PDSS2: variants seen among roughly 807,000 people sequenced by gnomAD.
PDSS2 encodes all trans-polyprenyl-diphosphate synthase PDSS2.
A neutral mutation model predicts 44.5 loss-of-function variants in PDSS2; 31 were observed. That is an observed-to-expected ratio of 0.70 (90% CI 0.52 to 0.94). PDSS2 has a LOEUF of 0.94. Among genes scored for constraint, PDSS2 ranks in the 40% least tolerant of loss-of-function variants. The pLI is 0.00. For missense variants in PDSS2, 452 were observed against 482.2 expected (o/e 0.94, Z 0.59); for synonymous variants, 157 against 180.3 (o/e 0.87, Z 1.03).
At chr6:107,443,433 C>T (rs1182776420) in intron 1 of PDSS2, among the ~76,000 whole-genome samples, 1 of 152,102 alleles carries the variant, frequency 6.6e-6, no homozygotes, top group Non-Finnish European at 1.5e-5. Flanking sequence ...TCACAGTAGC[C>T]AAAAACAGAA....
chr6:107,261,887 G>GTATT (rs1410221536), intron 3 of PDSS2, among the ~76,000 whole-genome samples: 1 of 14,712 alleles, frequency 6.8e-5, no homozygotes, highest in Non-Finnish European at 2.2e-4. Context: ...CCCGTCTCAG[G>GTATT]TATTTCTTTT....
At chr6:107,458,516 G>A (rs1295338025) in intron 1 of PDSS2, among the ~76,000 whole-genome samples, 2 of 151,302 alleles carry the variant, frequency 1.3e-5, no homozygotes, top group Admixed American at 6.6e-5. Context: ...ACTACTAACG[G>A]GATAAATTCC....
At chr6:107,331,328 T>C (rs141902786) in intron 2 of PDSS2, among the ~76,000 whole-genome samples, 152 of 152,226 alleles carry the variant, frequency 1.0e-3, no homozygotes, top group Non-Finnish European at 1.4e-3. Context: ...CTAGATGAAG[T>C]TTGATTATAG....
At chr6:107,337,362 T>G (rs1582959110) in intron 1 of PDSS2, among the ~76,000 whole-genome samples, 1 of 152,154 alleles carries the variant, frequency 6.6e-6, no homozygotes, top group African/African-American at 2.4e-5. Context: ...TTTTAAACAT[T>G]ATGCTATGTA....
chr6:107,192,511 TC>T, intron 7 of PDSS2: 1 of 377,272 alleles, frequency 2.7e-6, no homozygotes, highest in Non-Finnish European at 5.2e-6. Flanking sequence ...TCCTAGTAAA[TC>T]TGTAAGAAAA....
chr6:107,273,087 C>T (rs974712189), intron 3 of PDSS2, among the ~76,000 whole-genome samples: 2 of 152,062 alleles, frequency 1.3e-5, no homozygotes, highest in African/African-American at 4.8e-5. Context: ...CGGGTTCAAG[C>T]GATTCTCCTG....
chr6:107,192,401 A>C (rs1562364890), intron 7 of PDSS2: 2 of 510,622 alleles, frequency 3.9e-6, no homozygotes, highest in African/African-American at 4.0e-5. Flanking sequence ...GGAAAAAGTC[A>C]AAAATCAAAG....
intron 7 of PDSS2, among the ~76,000 whole-genome samples, chr6:107,186,518 G>A (rs1772170979): frequency 6.6e-6 from 1 of 151,816 alleles, no homozygotes; most frequent in South Asian, 2.1e-4. Context: ...TGGGATACAT[G>A]TGCAGAACGT....
At chr6:107,333,741 G>A (rs890224614) in intron 2 of PDSS2, among the ~76,000 whole-genome samples, 3 of 152,118 alleles carry the variant, frequency 2.0e-5, no homozygotes, top group African/African-American at 7.2e-5. Flanking sequence ...TCACCATGTT[G>A]TCCAGGCTGG....
chr6:107,262,305 T>G (rs976866771), intron 3 of PDSS2, among the ~76,000 whole-genome samples: 16 of 152,118 alleles, frequency 1.1e-4, no homozygotes, highest in African/African-American at 3.9e-4. Flanking sequence ...TGTATATACA[T>G]CCTCTTCAAT....
intron 1 of PDSS2, among the ~76,000 whole-genome samples, chr6:107,426,581 C>T (rs981026240): frequency 6.6e-6 from 1 of 152,128 alleles, no homozygotes; most frequent in African/African-American, 2.4e-5. Context: ...GTACCGTGTG[C>T]CCAGAAAAGC....
chr6:107,388,535 G>C (rs1779681988), intron 1 of PDSS2, among the ~76,000 whole-genome samples: 1 of 148,198 alleles, frequency 6.7e-6, no homozygotes, highest in Non-Finnish European at 1.5e-5. Flanking sequence ...TGCAAGCTCC[G>C]CCTCCCGGGT....
chr6:107,301,843 G>GGA (rs1562447262), intron 2 of PDSS2, among the ~76,000 whole-genome samples: 1 of 142,408 alleles, frequency 7.0e-6, no homozygotes, highest in East Asian at 2.2e-4. Context: ...CTGAAGCACT[G>GGA]AACTCGGGAG....
At chr6:107,212,060 C>A in intron 5 of PDSS2, 49 bp downstream of exon 5, 1 of 1,486,206 alleles carries the variant, frequency 6.7e-7, no homozygotes, top group South Asian at 1.1e-5. Flanking sequence ...TCTTGTGTGT[C>A]GTTTTAGCTA....
intron 1 of PDSS2, among the ~76,000 whole-genome samples, chr6:107,422,609 T>C (rs1284008521): frequency 6.6e-6 from 1 of 152,106 alleles, no homozygotes; most frequent in South Asian, 2.1e-4. Flanking sequence ...GAATATTCAT[T>C]ATAATGAAAT....
At chr6:107,300,509 C>T (rs941365369) in intron 2 of PDSS2, among the ~76,000 whole-genome samples, 10 of 152,190 alleles carry the variant, frequency 6.6e-5, no homozygotes, top group African/African-American at 2.4e-4. Context: ...AAACACGGGG[C>T]TTGTAACTCA....
intron 1 of PDSS2, among the ~76,000 whole-genome samples, chr6:107,395,514 A>G (rs980092627): frequency 6.6e-6 from 1 of 152,084 alleles, no homozygotes; most frequent in Non-Finnish European, 1.5e-5. Flanking sequence ...AATATAATTG[A>G]TCTTTTCTTC....
At chr6:107,221,149 T>A (rs1333927962) in intron 4 of PDSS2, among the ~76,000 whole-genome samples, 1 of 152,156 alleles carries the variant, frequency 6.6e-6, no homozygotes, top group East Asian at 1.9e-4. Context: ...GAGACCATCC[T>A]GGCTAACACG....
chr6:107,372,213 G>A (rs1466011089), intron 1 of PDSS2, among the ~76,000 whole-genome samples: 5 of 152,118 alleles, frequency 3.3e-5, no homozygotes, highest in Admixed American at 6.5e-5. Flanking sequence ...GATTTTAGCA[G>A]GTACCAGTTT....
Sources: gnomAD v4.1 joint callset for allele counts (sites outside exome capture counted in the v4.1 genomes callset) on GRCh38, gnomAD v4.1.1 for gene constraint, MANE v1.5 for transcripts, NCBI Gene and HGNC (gene_info 2026-07-23, HGNC 2026-07-21) for gene names.